The following PKHD1 variants were observed in gnomAD, a reference collection of about 807,000 sequenced individuals.
PKHD1 encodes the protein PKHD1 ciliary IPT domain containing fibrocystin/polyductin, also known as fibrocystin.
A neutral mutation model predicts 412.0 loss-of-function variants in PKHD1; 291 were observed. The observed-to-expected ratio is 0.71, with a 90% CI of 0.64 to 0.78. The LOEUF (loss-of-function observed/expected upper bound fraction) is 0.78, where lower values mean the gene tolerates loss of function less well. Among genes scored for constraint, PKHD1 ranks in the 30% least tolerant of loss-of-function variants. PKHD1 has a pLI of 0.00. For missense variants in PKHD1, 4,825 were observed against 4,950.7 expected (o/e 0.97, Z 0.76); for synonymous variants, 1,777 against 1,821.5 (o/e 0.98, Z 0.62).
chr6:52,079,423 G>A (rs944355750), intron 5 of PKHD1, among the ~76,000 whole-genome samples: 1 of 152,122 alleles, frequency 6.6e-6, no homozygotes, highest in Non-Finnish European at 1.5e-5. Flanking sequence ...AAGGAACGTG[G>A]GGCCTTGAGT....
intron 53 of PKHD1, among the ~76,000 whole-genome samples, chr6:51,778,355 A>T (rs1791410453): frequency 6.6e-6 from 1 of 152,162 alleles, no homozygotes. Flanking sequence ...GGATATTTTC[A>T]CATGCACAAT....
At chr6:52,018,508 T>C (rs1180277063) in intron 33 of PKHD1, among the ~76,000 whole-genome samples, 1 of 152,172 alleles carries the variant, frequency 6.6e-6, no homozygotes. Context: ...ACTTTTAGGT[T>C]GACCAATTAT....
chr6:52,082,960 G>A (rs1021788038), intron 3 of PKHD1, among the ~76,000 whole-genome samples: 1 of 152,150 alleles, frequency 6.6e-6, no homozygotes, highest in African/African-American at 2.4e-5. Context: ...AGCCTGGAAT[G>A]GGAAAGTGGA....
At chr6:51,911,009 G>T (rs1172984498) in intron 39 of PKHD1, among the ~76,000 whole-genome samples, 3 of 151,992 alleles carry the variant, frequency 2.0e-5, no homozygotes, top group Non-Finnish European at 2.9e-5. Flanking sequence ...TGGCTGGCCT[G>T]CTGGCATCTC....
chr6:51,692,289 A>ACACACC (rs1366295251), intron 60 of PKHD1, among the ~76,000 whole-genome samples: 2 of 151,036 alleles, frequency 1.3e-5, no homozygotes, highest in African/African-American at 4.9e-5. Flanking sequence ...ACACACACAC[A>ACACACC]CCACTGAGTT....
At chr6:51,834,721 C>T (rs917946934) in intron 51 of PKHD1, among the ~76,000 whole-genome samples, 5 of 152,144 alleles carry the variant, frequency 3.3e-5, no homozygotes, top group African/African-American at 1.2e-4. Context: ...AAAATTTCCT[C>T]CTGATGAAGG....
intron 52 of PKHD1, among the ~76,000 whole-genome samples, chr6:51,799,668 G>A (rs531889603): frequency 1.4e-4 from 21 of 152,120 alleles, no homozygotes; most frequent in Middle Eastern, 6.8e-3. Context: ...TCACCCTAAC[G>A]TACCCTCCAG....
rs375145340 is a variant in PKHD1 at position 52,066,009 on chromosome 6, A to G, written c.847T>C (p.Phe283Leu). 43 of 1,599,124 alleles carry G rather than the reference A, an allele frequency of 2.7e-5. No homozygotes were observed. The South Asian group carries it at 2.8e-4, about 10-fold the overall frequency. The change falls in exon 12 of 67, where the codon TTT becomes CTT. Residue 283 changes from phenylalanine to leucine, a missense_variant. Physicochemically the swap from Phe to Leu is conservative, Grantham distance 22 (BLOSUM62 0). Coordinates refer to ENST00000371117, the MANE Select transcript of PKHD1 (RefSeq NM_138694.4). ...GTAACCTGGGCAGAATTGTCAAAAA[A>G]GTCTCCTGTAATTGTGATGTTTGTT... The part of the protein sequence containing the change: ...GRTNITITGD[F>L]FDNSAQVTIA...
intron 44 of PKHD1, 61 bp from the exon 45 acceptor site, chr6:51,886,033 CTTGTTG>C: frequency 2.0e-6 from 2 of 1,015,574 alleles, no homozygotes; most frequent in Non-Finnish European, 3.1e-6. Flanking sequence ...TCTACTTTTT[CTTGTTG>C]AAAAATACAA....
chr6:51,897,056 T>C (rs373982120), intron 43 of PKHD1, among the ~76,000 whole-genome samples: 3 of 151,072 alleles, frequency 2.0e-5, no homozygotes, highest in South Asian at 4.2e-4. Flanking sequence ...CTGAAAGTGA[T>C]GGGGAGAATG....
intron 63 of PKHD1, among the ~76,000 whole-genome samples, chr6:51,639,715 T>C (rs920631664): frequency 2.0e-5 from 3 of 152,206 alleles, no homozygotes; most frequent in Non-Finnish European, 4.4e-5. Flanking sequence ...GACTCCACCA[T>C]CCCTAAATTA....
At chr6:51,989,909 A>G (rs1237509355) in intron 35 of PKHD1, among the ~76,000 whole-genome samples, 10 of 85,580 alleles carry the variant, frequency 1.2e-4, no homozygotes, top group East Asian at 3.7e-4. Flanking sequence ...GGGAGGAAGG[A>G]AGGAAGGAAG....
At chr6:51,705,685 G>A (rs1431195536) in intron 60 of PKHD1, among the ~76,000 whole-genome samples, 1 of 152,034 alleles carries the variant, frequency 6.6e-6, no homozygotes, top group African/African-American at 2.4e-5. Flanking sequence ...GGACCTTAAA[G>A]GCTTTTTACT....
chr6:52,015,541 T>C (rs988490174), intron 34 of PKHD1, among the ~76,000 whole-genome samples: 1 of 152,202 alleles, frequency 6.6e-6, no homozygotes, highest in African/African-American at 2.4e-5. Context: ...ATACCCACTT[T>C]TGGCCGAGTG....
At chr6:51,901,667 T>C (rs1301508248) in intron 43 of PKHD1, among the ~76,000 whole-genome samples, 1 of 122,202 alleles carries the variant, frequency 8.2e-6, no homozygotes, top group Non-Finnish European at 1.7e-5. Context: ...ACTTAAAGTA[T>C]AATAATAAAA....
chr6:51,914,475 G>A lies in PKHD1; in HGVS notation c.6122-1899C>T, dbSNP rs62405976. ...TATTTCTAGCTACATAGTAGATATT[G>A]ACATTTAGATGAGCTACTACCATCT... On this transcript the variant is annotated intron_variant, in intron 37 of 66. Coordinates refer to ENST00000371117, the MANE Select transcript of PKHD1 (RefSeq NM_138694.4). Among the ~76,000 whole-genome samples the A allele has an allele frequency of 9.2e-3, 1,393 of 152,154 alleles. 3 individuals carry two copies. Among genetic ancestry groups the A allele is most frequent in the Non-Finnish European group, 0.013 (907 of 67,978 alleles).
intron 55 of PKHD1, among the ~76,000 whole-genome samples, chr6:51,771,573 T>C (rs1411278600): frequency 1.3e-5 from 2 of 151,796 alleles, no homozygotes; most frequent in African/African-American, 4.8e-5. Flanking sequence ...GAGCCAAGAT[T>C]GTGCCATTGC....
At chr6:51,721,491 A>G in intron 60 of PKHD1, 2 of 901,494 alleles carry the variant, frequency 2.2e-6, no homozygotes, top group Non-Finnish European at 2.7e-6. Flanking sequence ...TTCACCTATC[A>G]CTTTATTCCA....
intron 54 of PKHD1, among the ~76,000 whole-genome samples, chr6:51,773,013 G>T (rs1403157873): frequency 6.6e-6 from 1 of 151,932 alleles, no homozygotes; most frequent in Non-Finnish European, 1.5e-5. Context: ...ATAGAAAAAA[G>T]AATGCTACAC....
Sources: gnomAD v4.1 joint callset for allele counts (sites outside exome capture counted in the v4.1 genomes callset) on GRCh38, gnomAD v4.1.1 for gene constraint, MANE v1.5 for transcripts, NCBI Gene and HGNC (gene_info 2026-07-23, HGNC 2026-07-21) for gene names.